The following SYT1 variants were observed in gnomAD, a reference collection of about 807,000 sequenced individuals.
The protein encoded by SYT1 is synaptotagmin-1.
In SYT1, 8 loss-of-function variants were observed where a neutral mutation model predicts 44.8. The ratio of observed to expected loss-of-function variants is 0.18; its 90% confidence interval spans 0.10 to 0.32. The LOEUF (loss-of-function observed/expected upper bound fraction) is 0.32, where lower values mean the gene tolerates loss of function less well. Ranked by LOEUF, SYT1 falls within the 10% of genes least tolerant of loss-of-function variation. The probability of loss-of-function intolerance (pLI) is 1.00; values close to 1 mark genes in which losing one functional copy is unlikely to be tolerated. For synonymous variants in SYT1, 154 were observed against 188.8 expected, an observed-to-expected ratio of 0.82 and a Z score of 1.51; for missense variants, 286 against 509.3, an observed-to-expected ratio of 0.56 and a Z score of 4.22.
chr12:79,260,342 A>G (rs1877761812), intron 4 of SYT1, among the ~76,000 whole-genome samples: 1 of 152,170 alleles, frequency 6.6e-6, no homozygotes, highest in Non-Finnish European at 1.5e-5. Flanking sequence ...TCCTCAGAGA[A>G]CCACAAATAT....
chr12:78,883,256 G>A (rs1339749967), intron 1 of SYT1, among the ~76,000 whole-genome samples: 2 of 151,582 alleles, frequency 1.3e-5, no homozygotes, highest in Non-Finnish European at 3.0e-5. Flanking sequence ...TTTCTATATT[G>A]TTTGCAATTT....
chr12:79,214,257 C>T (rs1285628951), intron 3 of SYT1, among the ~76,000 whole-genome samples: 1 of 152,018 alleles, frequency 6.6e-6, no homozygotes, highest in Non-Finnish European at 1.5e-5. Flanking sequence ...TTCTTACAAT[C>T]TTTTTTTGAT....
At chr12:78,920,593 T>G (rs1876929212) in intron 1 of SYT1, among the ~76,000 whole-genome samples, 1 of 152,012 alleles carries the variant, frequency 6.6e-6, no homozygotes, top group Admixed American at 6.6e-5. Flanking sequence ...AATAAGCATT[T>G]TTTATTAAAA....
intron 1 of SYT1, among the ~76,000 whole-genome samples, chr12:78,971,512 C>G (rs1358823349): frequency 1.3e-5 from 2 of 152,110 alleles, no homozygotes; most frequent in East Asian, 1.9e-4. Flanking sequence ...CTTTTCAATT[C>G]ACTTTTCTGA....
rs944257024 is a variant in SYT1 at position 79,450,908 on chromosome 12, T to G, written c.*1784T>G. On this transcript the variant is annotated 3_prime_UTR_variant, in exon 11 of 11. Transcript: ENST00000261205. ...CATCTAGCCTTTTGTCCCATTCACT[T>G]CTGTGATCCATTTTAATTTCCAGGC... The G allele has an allele frequency of 1.3e-5, 2 of 152,644 alleles. No homozygotes were observed. Among genetic ancestry groups the G allele is most frequent in the Non-Finnish European group, 2.9e-5 (2 of 68,042 alleles). 9.5% of individuals were successfully genotyped at this position (152,644 alleles called of 1,614,324 possible).
intron 1 of SYT1, chr12:78,976,739 A>G (rs566675787): frequency 2.6e-5 from 4 of 152,224 alleles, no homozygotes; most frequent in South Asian, 2.1e-4. Flanking sequence ...AATTTTTTTT[A>G]TAATTTATTT....
chr12:79,018,092 C>A (rs1871927022), intron 2 of SYT1, among the ~76,000 whole-genome samples: 1 of 151,624 alleles, frequency 6.6e-6, no homozygotes. Context: ...TTGGAACCAA[C>A]CCAAATGTCC....
chr12:79,176,375 G>T (rs992145791), intron 3 of SYT1, among the ~76,000 whole-genome samples: 1 of 151,978 alleles, frequency 6.6e-6, no homozygotes, highest in Non-Finnish European at 1.5e-5. Flanking sequence ...TTTCAGGGGT[G>T]TAGGAGCAAG....
intron 9 of SYT1, among the ~76,000 whole-genome samples, chr12:79,400,530 C>G (rs1456469132): frequency 6.6e-6 from 1 of 152,186 alleles, no homozygotes; most frequent in South Asian, 2.1e-4. Flanking sequence ...TATCAGACAG[C>G]ATTTTCAGTT....
At chr12:79,290,658 G>C (rs1436708612) in intron 5 of SYT1, among the ~76,000 whole-genome samples, 1 of 152,172 alleles carries the variant, frequency 6.6e-6, no homozygotes, top group Non-Finnish European at 1.5e-5. Context: ...ATTTCTGTGA[G>C]ATTCTACAGT....
At chr12:78,925,595 AAT>A (rs1877258973) in intron 1 of SYT1, among the ~76,000 whole-genome samples, 1 of 151,982 alleles carries the variant, frequency 6.6e-6, no homozygotes, top group Non-Finnish European at 1.5e-5. Flanking sequence ...AGAACCATAA[AAT>A]ATTATACTCA....
At chr12:78,888,659 A>G (rs908339151) in intron 1 of SYT1, among the ~76,000 whole-genome samples, 3 of 151,930 alleles carry the variant, frequency 2.0e-5, no homozygotes, top group African/African-American at 7.2e-5. Flanking sequence ...CACTTCTTCT[A>G]GTCACCTTCT....
chr12:79,287,597 G>A (rs1203573461), intron 5 of SYT1, among the ~76,000 whole-genome samples: 1 of 152,088 alleles, frequency 6.6e-6, no homozygotes, highest in East Asian at 1.9e-4. Context: ...CATAAAATTT[G>A]AATGTGGTTT....
chr12:79,069,117 A>G (rs917540315), intron 3 of SYT1, among the ~76,000 whole-genome samples: 10 of 152,122 alleles, frequency 6.6e-5, no homozygotes, highest in Non-Finnish European at 1.3e-4. Context: ...TTTATGGGTA[A>G]ATTGTTGTAG....
intron 3 of SYT1, among the ~76,000 whole-genome samples, chr12:79,185,477 AGAT>A (rs1872751331): frequency 6.6e-6 from 1 of 152,010 alleles, no homozygotes; most frequent in South Asian, 2.1e-4. Flanking sequence ...CAGAGTACAC[AGAT>A]AATAAGTGGC....
chr12:78,866,883 G>A (rs17045855), intron 1 of SYT1, among the ~76,000 whole-genome samples: 77 of 151,914 alleles, frequency 5.1e-4, no homozygotes, highest in Middle Eastern at 6.8e-3. Flanking sequence ...TTTTCACTAC[G>A]TACGTTTAAT....
At chr12:79,019,199 T>C (rs1371244833) in intron 2 of SYT1, among the ~76,000 whole-genome samples, 1 of 152,046 alleles carries the variant, frequency 6.6e-6, no homozygotes, top group Non-Finnish European at 1.5e-5. Flanking sequence ...AGAGAAGTAT[T>C]GTCAAATAAA....
chr12:79,008,434 G>A (rs189535035), intron 2 of SYT1, among the ~76,000 whole-genome samples: 5 of 152,210 alleles, frequency 3.3e-5, no homozygotes, highest in Middle Eastern at 3.4e-3. Flanking sequence ...CCACTGAGAT[G>A]TTTTCAGCAG....
intron 3 of SYT1, among the ~76,000 whole-genome samples, chr12:79,054,102 G>A (rs1331975606): frequency 6.6e-6 from 1 of 152,006 alleles, no homozygotes; most frequent in East Asian, 1.9e-4. Context: ...TGCAGATGAT[G>A]AAAATGTGGA....
Sources: allele counts gnomAD v4.1 joint callset (sites outside exome capture counted in the v4.1 genomes callset), GRCh38; gene constraint gnomAD v4.1.1; transcripts MANE v1.5; gene names NCBI Gene and HGNC (gene_info 2026-07-23, HGNC 2026-07-21).